Variants in GRIK4 observed in about 807,000 individuals in gnomAD.
GRIK4 encodes the protein glutamate ionotropic receptor kainate type subunit 4, also known as glutamate receptor ionotropic, kainate 4.
In GRIK4, 40 loss-of-function variants were observed where a neutral mutation model predicts 104.9. The observed-to-expected ratio is 0.38, with a 90% CI of 0.30 to 0.50. The LOEUF (loss-of-function observed/expected upper bound fraction) is 0.50. Among genes scored for constraint, GRIK4 ranks in the 20% least tolerant of loss-of-function variants. GRIK4 has a pLI of 0.93. For synonymous variants in GRIK4, 485 were observed against 524.9 expected (o/e 0.92, Z 1.04); for missense variants, 1,047 against 1,308.1 (o/e 0.80, Z 3.08).
chr11:120,745,439 T>G (rs916317679), intron 3 of GRIK4, among the ~76,000 whole-genome samples: 3 of 152,242 alleles, frequency 2.0e-5, no homozygotes, highest in Admixed American at 1.3e-4. Flanking sequence ...TGCATCCATC[T>G]ACTTCTTTTT....
intron 3 of GRIK4, among the ~76,000 whole-genome samples, chr11:120,714,393 A>G (rs1361863301): frequency 1.3e-5 from 2 of 152,136 alleles, no homozygotes. Flanking sequence ...CACTCGCGCT[A>G]TTTATTTTTT....
chr11:120,719,867 C>G (rs1950898845), intron 3 of GRIK4, among the ~76,000 whole-genome samples: 1 of 152,064 alleles, frequency 6.6e-6, no homozygotes, highest in Non-Finnish European at 1.5e-5. Flanking sequence ...GCATTTTTCT[C>G]TCCACATTAG....
At chr11:120,851,315 C>T (rs906456957) in intron 8 of GRIK4, among the ~76,000 whole-genome samples, 5 of 152,188 alleles carry the variant, frequency 3.3e-5, no homozygotes. Flanking sequence ...TGTTCTGGGG[C>T]TCTGCACATG....
At chr11:120,877,644 G>A (rs1230654418) in intron 11 of GRIK4, among the ~76,000 whole-genome samples, 11 of 152,192 alleles carry the variant, frequency 7.2e-5, no homozygotes, top group Admixed American at 5.9e-4. Flanking sequence ...GGCTGCTTTT[G>A]TGGAGCCTGT....
At chr11:120,977,472 G>A (rs1480769732) in intron 19 of GRIK4, among the ~76,000 whole-genome samples, 1 of 152,238 alleles carries the variant, frequency 6.6e-6, no homozygotes, top group Non-Finnish European at 1.5e-5. Context: ...ACTGATGACA[G>A]TGTTAAATGG....
intron 3 of GRIK4, among the ~76,000 whole-genome samples, chr11:120,696,914 T>G (rs1950458913): frequency 6.6e-6 from 1 of 152,172 alleles, no homozygotes; most frequent in Admixed American, 6.5e-5. Context: ...TAAACTGCGC[T>G]ATGGGCAAAG....
intron 1 of GRIK4, among the ~76,000 whole-genome samples, chr11:120,597,380 C>G (rs2135123189): frequency 6.6e-6 from 1 of 152,312 alleles, no homozygotes; most frequent in Admixed American, 6.5e-5. Context: ...CTTGGGGCTG[C>G]ACACGGTGGG....
intron 3 of GRIK4, among the ~76,000 whole-genome samples, chr11:120,755,388 T>C (rs79195718): frequency 0.012 from 1,871 of 152,214 alleles, 31 homozygotes; most frequent in African/African-American, 0.042. Flanking sequence ...GGAGGATTGC[T>C]AGAGCCCAGG....
intron 13 of GRIK4, among the ~76,000 whole-genome samples, chr11:120,909,260 T>A (rs1008446491): frequency 6.6e-6 from 1 of 152,244 alleles, no homozygotes. Flanking sequence ...CTCATGGGCA[T>A]GCCCAAGCAA....
chr11:120,794,013 A>G (rs1214723233), intron 3 of GRIK4, among the ~76,000 whole-genome samples: 3 of 128,052 alleles, frequency 2.3e-5, no homozygotes, highest in South Asian at 2.7e-4. Context: ...AGGAGTTGTT[A>G]GGGCTGAGAG....
At chr11:120,598,735 A>G (rs558900328) in intron 1 of GRIK4, among the ~76,000 whole-genome samples, 21 of 152,294 alleles carry the variant, frequency 1.4e-4, no homozygotes, top group Non-Finnish European at 2.9e-4. Flanking sequence ...TTCCTCACAC[A>G]TTCTCCATGT....
intron 3 of GRIK4, among the ~76,000 whole-genome samples, chr11:120,675,835 G>A (rs774603966): frequency 1.3e-5 from 2 of 152,142 alleles, no homozygotes; most frequent in African/African-American, 2.4e-5. Context: ...ATAAATAATA[G>A]TTATTATCGA....
intron 3 of GRIK4, among the ~76,000 whole-genome samples, chr11:120,661,012 G>A (rs940654563): frequency 6.6e-6 from 1 of 152,150 alleles, no homozygotes; most frequent in African/African-American, 2.4e-5. Context: ...ATCCCTGGAG[G>A]GGCGGGTCTG....
chr11:120,687,705 T>C (rs546840908), intron 3 of GRIK4, among the ~76,000 whole-genome samples: 24 of 152,172 alleles, frequency 1.6e-4, no homozygotes, highest in South Asian at 8.3e-4. Flanking sequence ...TTAATCCAAT[T>C]AAAGCCTGAA....
chr11:120,742,373 G>T (rs1238906286), intron 3 of GRIK4, among the ~76,000 whole-genome samples: 1 of 148,466 alleles, frequency 6.7e-6, no homozygotes, highest in Non-Finnish European at 1.5e-5. Context: ...AGTGGGCAAA[G>T]GACATGGACA....
At chr11:120,712,141 C>T (rs1950745249) in intron 3 of GRIK4, among the ~76,000 whole-genome samples, 1 of 152,198 alleles carries the variant, frequency 6.6e-6, no homozygotes, top group Non-Finnish European at 1.5e-5. Flanking sequence ...ACTCCACTAG[C>T]ACACATACAG....
At chr11:120,590,368 G>T (rs1948719741) in intron 1 of GRIK4, among the ~76,000 whole-genome samples, 1 of 152,222 alleles carries the variant, frequency 6.6e-6, no homozygotes, top group Non-Finnish European at 1.5e-5. Flanking sequence ...GAATTGGAAT[G>T]AAATTGTCTT....
At chr11:120,536,212 T>C (rs561139353) in intron 1 of GRIK4, among the ~76,000 whole-genome samples, 1 of 152,324 alleles carries the variant, frequency 6.6e-6, no homozygotes, top group South Asian at 2.1e-4. Context: ...CTGCAACAAT[T>C]CGAAAGAGTG....
At chr11:120,761,531 T>G (rs916072748) in intron 3 of GRIK4, among the ~76,000 whole-genome samples, 3 of 152,254 alleles carry the variant, frequency 2.0e-5, no homozygotes, top group Non-Finnish European at 2.9e-5. Context: ...CCCATGCCTA[T>G]GTCCTGCATG....
Sources: gnomAD v4.1 joint callset for allele counts (sites outside exome capture counted in the v4.1 genomes callset) on GRCh38, gnomAD v4.1.1 for gene constraint, MANE v1.5 for transcripts, NCBI Gene and HGNC (gene_info 2026-07-23, HGNC 2026-07-21) for gene names.